The following RGL1 variants were observed in gnomAD, a reference collection of about 807,000 sequenced individuals.
The protein encoded by RGL1 is ral guanine nucleotide dissociation stimulator like 1, also known as ral guanine nucleotide dissociation stimulator-like 1.
In RGL1, 24 loss-of-function variants were observed where a neutral mutation model predicts 95.2. The ratio of observed to expected loss-of-function variants is 0.25; its 90% CI spans 0.18 to 0.35. The LOEUF (loss-of-function observed/expected upper bound fraction) is 0.35. Among genes scored for constraint, RGL1 ranks in the 10% least tolerant of loss-of-function variants. RGL1 has a pLI of 1.00. For missense variants in RGL1, 715 were observed against 936.3 expected, an observed-to-expected ratio of 0.76 and a Z score of 3.08; for synonymous variants, 329 against 344.9, an observed-to-expected ratio of 0.95 and a Z score of 0.51.
At chr1:183,808,775 T>A (rs1023418199) in intron 2 of RGL1, among the ~76,000 whole-genome samples, 1 of 151,800 alleles carries the variant, frequency 6.6e-6, no homozygotes, top group Admixed American at 6.6e-5. Context: ...TTTTTTTTTT[T>A]AACATGAGGA....
At chr1:183,890,231 G>C (rs1000418908) in intron 8 of RGL1, among the ~76,000 whole-genome samples, 1 of 152,072 alleles carries the variant, frequency 6.6e-6, no homozygotes, top group Non-Finnish European at 1.5e-5. Context: ...TCCTTTCTTT[G>C]ATGGTTGAAA....
chr1:183,860,754 G>C (rs147631677), intron 3 of RGL1, among the ~76,000 whole-genome samples: 167 of 152,198 alleles, frequency 1.1e-3, no homozygotes, highest in African/African-American at 4.0e-3. Context: ...ACTAATTATT[G>C]TTGTCTGTCT....
At chr1:183,875,810 C>T (rs1005621972) in intron 4 of RGL1, among the ~76,000 whole-genome samples, 1 of 140,462 alleles carries the variant, frequency 7.1e-6, no homozygotes, top group African/African-American at 2.7e-5. Flanking sequence ...ACCTGGGAGG[C>T]GAAGATTGCA....
At chr1:183,712,477 CAGAG>C (rs2102178565) in intron 1 of RGL1, among the ~76,000 whole-genome samples, 1 of 152,272 alleles carries the variant, frequency 6.6e-6, no homozygotes, top group South Asian at 2.1e-4. Flanking sequence ...AAAAGAGAGA[CAGAG>C]TGAGAGAGAG....
intron 2 of RGL1, among the ~76,000 whole-genome samples, chr1:183,748,802 A>G (rs963070675): frequency 6.6e-6 from 1 of 152,160 alleles, no homozygotes. Flanking sequence ...TGTGTCCCAG[A>G]GATTCTGATA....
intron 16 of RGL1, among the ~76,000 whole-genome samples, chr1:183,918,478 T>C (rs1228882254): frequency 2.0e-5 from 3 of 152,194 alleles, no homozygotes; most frequent in Admixed American, 6.5e-5. Context: ...AACTCTACAG[T>C]GTCTCTGAAT....
At chr1:183,876,113 C>T (rs1223956841) in intron 4 of RGL1, among the ~76,000 whole-genome samples, 1 of 152,190 alleles carries the variant, frequency 6.6e-6, no homozygotes, top group Non-Finnish European at 1.5e-5. Context: ...TTGACCAGGT[C>T]AGCTCCCTCT....
At chr1:183,655,190 T>G (rs919830644) in intron 1 of RGL1, among the ~76,000 whole-genome samples, 2 of 152,242 alleles carry the variant, frequency 1.3e-5, no homozygotes, top group African/African-American at 2.4e-5. Flanking sequence ...TGATCTAAAT[T>G]TTTAAGAGAC....
At chr1:183,729,188 G>A (rs907612822) in intron 1 of RGL1, among the ~76,000 whole-genome samples, 3 of 44,856 alleles carry the variant, frequency 6.7e-5, no homozygotes, top group East Asian at 4.3e-3. Flanking sequence ...ATATATATGT[G>A]TGTGTGTGTG....
chr1:183,805,793 C>CAA (rs1355495316), intron 1 of RGL1, among the ~76,000 whole-genome samples: 1 of 151,982 alleles, frequency 6.6e-6, no homozygotes. Flanking sequence ...TTGTGGGCTC[C>CAA]AAAACAATGA....
At chr1:183,647,908 C>T (rs770238753) in intron 1 of RGL1, 1 of 1,614,164 alleles carries the variant, frequency 6.2e-7, no homozygotes. Flanking sequence ...AGCACAAAAA[C>T]AACAGGAGCC....
At chr1:183,649,424 G>A (rs915695467) in intron 1 of RGL1, among the ~76,000 whole-genome samples, 2 of 152,282 alleles carry the variant, frequency 1.3e-5, no homozygotes, top group Admixed American at 1.3e-4. Context: ...AATGTATTGT[G>A]CAGAACTATT....
chr1:183,748,397 T>G (rs1335827290), intron 2 of RGL1, among the ~76,000 whole-genome samples: 1 of 32,790 alleles, frequency 3.0e-5, no homozygotes, highest in Non-Finnish European at 7.1e-5. Flanking sequence ...TCTAGTTCTT[T>G]TTTTTTTTTT....
At chr1:183,701,177 C>CA (rs1247579880) in intron 1 of RGL1, among the ~76,000 whole-genome samples, 4 of 152,190 alleles carry the variant, frequency 2.6e-5, no homozygotes, top group Non-Finnish European at 4.4e-5. Context: ...CTTGAGATCA[C>CA]ACACAGATTT....
intron 8 of RGL1, among the ~76,000 whole-genome samples, chr1:183,890,127 T>TG (rs1455691431): frequency 6.6e-6 from 1 of 152,044 alleles, no homozygotes; most frequent in Non-Finnish European, 1.5e-5. Flanking sequence ...TCCACTCAAC[T>TG]GTAGTATAGT....
chr1:183,732,753 C>T (rs748875835), intron 1 of RGL1, among the ~76,000 whole-genome samples: 10 of 152,114 alleles, frequency 6.6e-5, no homozygotes, highest in South Asian at 2.1e-4. Flanking sequence ...GGTTTTGCTA[C>T]GAATATTTGC....
intron 4 of RGL1, among the ~76,000 whole-genome samples, chr1:183,870,813 A>G (rs1261502844): frequency 6.6e-6 from 1 of 152,200 alleles, no homozygotes; most frequent in Non-Finnish European, 1.5e-5. Flanking sequence ...CTATTTGGAA[A>G]TTTCTCTATT....
Position 183,775,903 on chromosome 1 carries a change from AC to A in RGL1, c.133-30470del, listed in dbSNP as rs574198545. 5.0e-3 allele frequency among the ~76,000 whole-genome samples: 757 copies of A among 152,336 alleles called. 7 individuals are homozygous for A. The highest frequency in any genetic ancestry group is 6.8e-3 in the Non-Finnish European group (465 of 68,030). On this transcript the variant is annotated intron_variant, in intron 2 of 18. Coordinates refer to the RGL1 transcript ENST00000304685. ...GTTAATTCCAGGTGGTAGTAATAGT[AC>A]CATGATTATATATATTTGTGCTTTT...
At position 183,847,516 on chromosome 1, in the gene RGL1, T is replaced by G. The variant is rs763387856; in HGVS notation, c.139-50T>G. On this transcript the variant is annotated intron_variant, in intron 2 of 17. Transcript: ENST00000360851. The stretch of plus-strand genomic sequence containing the variant: ...TCAACTATTTCAATGCTTCCAATTT[T>G]ACTTTAGGGAGTCATTTCTCCTTAT... The G allele has an allele frequency of 2.0e-6, 3 of 1,467,566 alleles. No homozygotes were observed. The African/African-American group carries it at 4.2e-5, about 21-fold the overall frequency. The allele number at this position is 1,467,566 out of a possible 1,614,324, so 90.9% of individuals were successfully genotyped here.
Sources: allele counts gnomAD v4.1 joint callset (sites outside exome capture counted in the v4.1 genomes callset), GRCh38; gene constraint gnomAD v4.1.1; transcripts MANE v1.5; gene names NCBI Gene and HGNC (gene_info 2026-07-23, HGNC 2026-07-21).